Variants in ORC3 observed in about 807,000 individuals in gnomAD.
The protein encoded by ORC3 is homolog of latheo, Drosophila.
In ORC3, 78 loss-of-function variants were observed where a neutral mutation model predicts 100.7. The observed-to-expected ratio is 0.77, with a 90% CI of 0.65 to 0.94. The LOEUF (loss-of-function observed/expected upper bound fraction) is 0.94. Ranked by LOEUF, ORC3 falls within the 40% of genes least tolerant of loss-of-function variation. The pLI, the probability that ORC3 is intolerant of heterozygous loss-of-function variation, is 0.00. For synonymous variants in ORC3, 295 were observed against 289.3 expected (o/e 1.02, Z -0.20); for missense variants, 789 against 823.9 (o/e 0.96, Z 0.52).
At chr6:87,665,972 T>A (rs977505603) in intron 19 of ORC3, 139 bp downstream of exon 19, 1 of 445,282 alleles carries the variant, frequency 2.2e-6, no homozygotes, top group South Asian at 5.5e-5. Context: ...CATATGGTGC[T>A]AGAATAACTG....
chr6:87,637,373 C>T (rs1411431596), intron 13 of ORC3, among the ~76,000 whole-genome samples: 3 of 152,142 alleles, frequency 2.0e-5, no homozygotes, highest in Admixed American at 6.6e-5. Context: ...AAATGAATTT[C>T]ATGCTATCTG....
intron 4 of ORC3, among the ~76,000 whole-genome samples, chr6:87,605,185 A>G (rs1197919181): frequency 6.6e-6 from 1 of 152,186 alleles, no homozygotes; most frequent in Non-Finnish European, 1.5e-5. Context: ...TAAAATTTTT[A>G]TAGAGACAGG....
downstream of ORC3, among the ~76,000 whole-genome samples, chr6:87,668,219 G>T (rs1166857533): frequency 6.6e-6 from 1 of 152,084 alleles, no homozygotes; most frequent in African/African-American, 2.4e-5. Context: ...ATGCAGATAT[G>T]GGGGGAAAGT....
intron 1 of ORC3, among the ~76,000 whole-genome samples, chr6:87,591,375 T>C (rs1232591219): frequency 7.4e-6 from 1 of 135,478 alleles, no homozygotes; most frequent in African/African-American, 2.7e-5. Flanking sequence ...TTTTTTATTT[T>C]GATTAAAACG....
At chr6:87,622,081 AT>A (rs1779577360) in intron 11 of ORC3, 68 bp downstream of exon 11, 1 of 999,022 alleles carries the variant, frequency 1.0e-6, no homozygotes, top group African/African-American at 1.6e-5. Context: ...TGCATGTAAC[AT>A]TTATTGAGTT....
At chr6:87,618,909 G>A (rs1461437206) in intron 9 of ORC3, among the ~76,000 whole-genome samples, 2 of 152,182 alleles carry the variant, frequency 1.3e-5, no homozygotes, top group East Asian at 3.8e-4. Context: ...GAGCAAGGTT[G>A]TTGTGAGAAA....
At chr6:87,650,393 A>G (rs1337339329) in intron 13 of ORC3, among the ~76,000 whole-genome samples, 1 of 152,120 alleles carries the variant, frequency 6.6e-6, no homozygotes, top group Non-Finnish European at 1.5e-5. Flanking sequence ...TAGATTTTCT[A>G]ACTTTACAGT....
At chr6:87,655,436 A>G (rs1769604646) in intron 14 of ORC3, among the ~76,000 whole-genome samples, 1 of 149,154 alleles carries the variant, frequency 6.7e-6, no homozygotes, top group African/African-American at 2.5e-5. Flanking sequence ...ACTGCAGCCT[A>G]TACCTCCCAG....
At chr6:87,606,551 G>C (rs1472251282) in intron 5 of ORC3, among the ~76,000 whole-genome samples, 1 of 149,786 alleles carries the variant, frequency 6.7e-6, no homozygotes, top group Non-Finnish European at 1.5e-5. Context: ...TTTCTTTTGA[G>C]ACAGGGTCTC....
chr6:87,595,727 C>A (rs1777383792), intron 2 of ORC3, among the ~76,000 whole-genome samples: 1 of 152,182 alleles, frequency 6.6e-6, no homozygotes, highest in Admixed American at 6.5e-5. Context: ...GACACACATA[C>A]TCATGATATT....
chr6:87,611,310 T>C (rs1443892327), intron 7 of ORC3, among the ~76,000 whole-genome samples: 1 of 152,090 alleles, frequency 6.6e-6, no homozygotes, highest in African/African-American at 2.4e-5. Flanking sequence ...GACACTGAAC[T>C]GCTTAGCATG....
chr6:87,666,878 C>T, intron 19 of ORC3, 140 bp from the exon 20 acceptor site: 2 of 553,598 alleles, frequency 3.6e-6, no homozygotes, highest in South Asian at 2.8e-5. Context: ...TAATGTTTTC[C>T]AGTAACAGTT....
chr6:87,625,325 G>A (rs1042371100), intron 11 of ORC3, among the ~76,000 whole-genome samples: 4 of 152,172 alleles, frequency 2.6e-5, no homozygotes, highest in East Asian at 1.9e-4. Context: ...GTGTAAAAGT[G>A]TTCCTATTTC....
At chr6:87,676,596 A>AACACACACACACACACACACACAC in the ORC3 span, among the ~76,000 whole-genome samples, 436 of 142,088 alleles carry the variant, frequency 3.1e-3, 2 homozygotes, top group East Asian at 7.3e-3. Context: ...CTCTACTAAA[A>AACACACACACACACACACACACAC]ACACACACAC....
chr6:87,670,413 AC>A (rs1398953004), downstream of ORC3, among the ~76,000 whole-genome samples: 1 of 151,906 alleles, frequency 6.6e-6, no homozygotes. Flanking sequence ...CGATCCACCC[AC>A]CTAGGCTTCC....
Position 87,612,131 on chromosome 6 carries a change from A to G in ORC3, c.756A>G (p.Ile252Met), listed in dbSNP as rs1778815757. The G allele has an allele frequency of 6.8e-6, 11 of 1,613,622 alleles. No homozygotes were observed. The highest frequency in any genetic ancestry group is 5.9e-6 in the Non-Finnish European group (7 of 1,179,826). The change falls in exon 8 of 20, where the codon ATA (isoleucine) becomes ATG (methionine). Residue 252 changes from isoleucine to methionine, a missense_variant. Physicochemically the swap from Ile to Met is conservative, Grantham distance 10. This residue lies in a region of ORC3 where 399 missense variants were observed against 382.0 expected (regional missense o/e 1.04). Coordinates refer to ENST00000392844, the MANE Select transcript of ORC3 (RefSeq NM_012381.4). ...TTCCACTAATACTCATTTTTGGAAT[A>G]GCCACATCTCCTATTATCATCCACC... ...HEFPLILIFG[I>M]ATSPIIIHRL...
chr6:87,657,114 A>T (rs144983459), intron 15 of ORC3, 132 bp downstream of exon 15: 50 of 641,256 alleles, frequency 7.8e-5, no homozygotes, highest in African/African-American at 7.6e-4. Flanking sequence ...GCAGACTTTT[A>T]ACTCACTTCT....
intron 6 of ORC3, among the ~76,000 whole-genome samples, chr6:87,608,083 A>G (rs546133955): frequency 3.3e-5 from 5 of 152,348 alleles, no homozygotes; most frequent in East Asian, 1.9e-4. Context: ...CTCTAATGAC[A>G]AAAACAGAGC....
At chr6:87,602,982 T>TATATATATATATATATAG (rs1457671076) in intron 3 of ORC3, among the ~76,000 whole-genome samples, 1 of 135,868 alleles carries the variant, frequency 7.4e-6, no homozygotes, top group East Asian at 2.1e-4. Flanking sequence ...CATATATATA[T>TATATATATATATATATAG]ACAATTTTTT....
Sources: gnomAD v4.1 joint callset for allele counts (sites outside exome capture counted in the v4.1 genomes callset) on GRCh38, gnomAD v4.1.1 for gene constraint, gnomAD v4.1.1 regional missense constraint, MANE v1.5 for transcripts, NCBI Gene and HGNC (gene_info 2026-07-23, HGNC 2026-07-21) for gene names.